ROBO2: variants seen among roughly 807,000 people sequenced by gnomAD.
ROBO2 encodes the protein roundabout homolog 2.
In ROBO2, 53 loss-of-function variants were observed where a neutral mutation model predicts 160.8. That is an observed-to-expected ratio of 0.33 (90% CI 0.26 to 0.41). ROBO2 has a LOEUF of 0.41. Among genes scored for constraint, ROBO2 ranks in the 10% least tolerant of loss-of-function variants. The probability of loss-of-function intolerance (pLI) is 1.00; values close to 1 mark genes in which losing one functional copy is unlikely to be tolerated. For synonymous variants in ROBO2, 664 were observed against 611.7 expected, an observed-to-expected ratio of 1.09 and a Z score of -1.26; for missense variants, 1,577 against 1,722.4, an observed-to-expected ratio of 0.92 and a Z score of 1.49.
chr3:76,188,152 C>T (rs1050210843), intron 2 of ROBO2, among the ~76,000 whole-genome samples: 5 of 151,876 alleles, frequency 3.3e-5, no homozygotes, highest in Admixed American at 1.3e-4. Context: ...TCTCAGTGGG[C>T]CAGTTATAGA....
At chr3:76,558,648 G>T (rs1015160598) in intron 2 of ROBO2, among the ~76,000 whole-genome samples, 6 of 151,966 alleles carry the variant, frequency 3.9e-5, no homozygotes, top group Non-Finnish European at 7.4e-5. Flanking sequence ...TGTACAGAAT[G>T]GGCTGCATTT....
chr3:76,792,420 A>G (rs984304203), intron 2 of ROBO2, among the ~76,000 whole-genome samples: 8 of 151,762 alleles, frequency 5.3e-5, no homozygotes, highest in African/African-American at 1.9e-4. Context: ...GAACAACTGT[A>G]ATTTGTTTTT....
chr3:77,111,717 A>G (rs1057225015), intron 2 of ROBO2, among the ~76,000 whole-genome samples: 1 of 152,138 alleles, frequency 6.6e-6, no homozygotes, highest in Non-Finnish European at 1.5e-5. Flanking sequence ...ATGTTTGTTC[A>G]TGGGAGTTTG....
At position 76,332,852 on chromosome 3, in the gene ROBO2, A is replaced by G. The variant is rs145259549; in HGVS notation, c.109+395250A>G. ...ATCAAAGTAAGTTATGTAATAGAAT[A>G]AAGTTATGAGCCATGTAGGGAATTG... On this transcript the variant is annotated intron_variant, in intron 2 of 26. Coordinates refer to the ROBO2 transcript ENST00000487694. 2.4e-3 allele frequency among the ~76,000 whole-genome samples: 371 copies of G among 152,366 alleles called. 2 individuals are homozygous for G. The highest frequency in any genetic ancestry group is 4.0e-3 in the Non-Finnish European group (269 of 68,040).
At chr3:76,956,278 C>T (rs1419674019) in intron 2 of ROBO2, among the ~76,000 whole-genome samples, 1 of 152,112 alleles carries the variant, frequency 6.6e-6, no homozygotes, top group Non-Finnish European at 1.5e-5. Flanking sequence ...CTAATCTGGG[C>T]CAGGCACGGT....
intron 2 of ROBO2, among the ~76,000 whole-genome samples, chr3:76,928,855 T>C (rs1577562014): frequency 1.3e-5 from 2 of 152,194 alleles, no homozygotes; most frequent in East Asian, 1.9e-4. Flanking sequence ...TTTAAATATA[T>C]TTTATATCCT....
At chr3:77,469,160 T>C (rs899809027) in intron 2 of ROBO2, among the ~76,000 whole-genome samples, 5 of 152,186 alleles carry the variant, frequency 3.3e-5, no homozygotes, top group Non-Finnish European at 7.3e-5. Flanking sequence ...AGTGGGGAGC[T>C]TCTGGTTGAA....
At chr3:76,293,353 A>G (rs1286308514) in intron 2 of ROBO2, among the ~76,000 whole-genome samples, 1 of 152,204 alleles carries the variant, frequency 6.6e-6, no homozygotes, top group Non-Finnish European at 1.5e-5. Flanking sequence ...AGGCACAGGC[A>G]GGGGGCCTTT....
At chr3:76,202,149 A>G (rs978245838) in intron 2 of ROBO2, among the ~76,000 whole-genome samples, 2 of 152,164 alleles carry the variant, frequency 1.3e-5, no homozygotes, top group Non-Finnish European at 2.9e-5. Context: ...ACATCTTCAC[A>G]ATATTTTCCA....
intron 2 of ROBO2, among the ~76,000 whole-genome samples, chr3:76,940,102 C>T (rs192036011): frequency 0.029 from 4,442 of 151,850 alleles, 217 homozygotes; most frequent in African/African-American, 0.1. Context: ...CTGCCTCAGC[C>T]TCCCGAGTAG....
chr3:77,166,468 ATC>A (rs2079085086), intron 2 of ROBO2, among the ~76,000 whole-genome samples: 1 of 152,258 alleles, frequency 6.6e-6, no homozygotes, highest in East Asian at 1.9e-4. Flanking sequence ...TTGGCCCAAT[ATC>A]TGTTTTTCCT....
chr3:76,403,997 A>G (rs1285858305), intron 2 of ROBO2, among the ~76,000 whole-genome samples: 4 of 151,666 alleles, frequency 2.6e-5, no homozygotes, highest in Non-Finnish European at 5.9e-5. Flanking sequence ...CTCTGCTGCT[A>G]GCTATATTAT....
chr3:76,920,099 G>A (rs541084966), intron 2 of ROBO2, among the ~76,000 whole-genome samples: 43 of 152,156 alleles, frequency 2.8e-4, no homozygotes, highest in African/African-American at 1.0e-3. Flanking sequence ...GTAAATCAAG[G>A]TAACTTTTGC....
intron 2 of ROBO2, among the ~76,000 whole-genome samples, chr3:76,547,754 C>G (rs890749842): frequency 1.3e-5 from 2 of 152,036 alleles, no homozygotes; most frequent in Non-Finnish European, 2.9e-5. Context: ...TGTTATCACC[C>G]TAATTTTTGC....
chr3:75,976,469 CACTT>C (rs2065136451), intron 2 of ROBO2, among the ~76,000 whole-genome samples: 2 of 151,436 alleles, frequency 1.3e-5, no homozygotes, highest in African/African-American at 4.8e-5. Context: ...TGTATAATCC[CACTT>C]ATACAATGTA....
intron 2 of ROBO2, among the ~76,000 whole-genome samples, chr3:76,580,549 C>T (rs561262000): frequency 4.7e-4 from 71 of 152,008 alleles, no homozygotes; most frequent in African/African-American, 1.6e-3. Flanking sequence ...ACATGATATT[C>T]AGGACCTCAG....
At chr3:76,049,403 ATTTT>A (rs1167852972) in intron 2 of ROBO2, among the ~76,000 whole-genome samples, 1,168 of 53,750 alleles carry the variant, frequency 0.022, 28 homozygotes, top group East Asian at 0.11. Flanking sequence ...ATATATATAT[ATTTT>A]TTTTTTTTTT....
intron 2 of ROBO2, among the ~76,000 whole-genome samples, chr3:76,826,692 CA>C (rs1461869917): frequency 2.6e-5 from 4 of 152,134 alleles, no homozygotes; most frequent in Non-Finnish European, 2.9e-5. Context: ...CCCTGTATTC[CA>C]AAAATATGTT....
chr3:77,337,501 G>A (rs1194634965), intron 2 of ROBO2, among the ~76,000 whole-genome samples: 2 of 152,034 alleles, frequency 1.3e-5, no homozygotes, highest in Admixed American at 1.3e-4. Flanking sequence ...TGTTGAATAT[G>A]TTACCTGAAC....
Sources: gnomAD v4.1 joint callset for allele counts (sites outside exome capture counted in the v4.1 genomes callset) on GRCh38, gnomAD v4.1.1 for gene constraint, MANE v1.5 for transcripts, NCBI Gene and HGNC (gene_info 2026-07-23, HGNC 2026-07-21) for gene names.